Variants in C1orf146 observed in about 807,000 individuals in gnomAD.
The protein encoded by C1orf146 is protein SPO16 homolog.
In C1orf146, 22 loss-of-function variants were observed where a neutral mutation model predicts 23.0. The ratio of observed to expected loss-of-function variants is 0.96; its 90% CI spans 0.68 to 1.36. The LOEUF (loss-of-function observed/expected upper bound fraction) is 1.36, where lower values mean the gene tolerates loss of function less well. Ranked by LOEUF, C1orf146 falls within the 40% of genes most tolerant of loss-of-function variation. The pLI, the probability that C1orf146 is intolerant of heterozygous loss-of-function variation, is 0.00. For synonymous variants in C1orf146, 59 were observed against 65.3 expected, an observed-to-expected ratio of 0.90 and a Z score of 0.47; for missense variants, 199 against 206.8, an observed-to-expected ratio of 0.96 and a Z score of 0.23.
At chr1:92,224,725 T>C (rs996457064) in intron 1 of C1orf146, among the ~76,000 whole-genome samples, 5 of 152,168 alleles carry the variant, frequency 3.3e-5, no homozygotes, top group African/African-American at 9.7e-5. Flanking sequence ...TCTTTATTAC[T>C]TTTTTTCCCA....
chr1:92,244,080 A>G, intron 3 of C1orf146, 137 bp from the exon 4 acceptor site: 1 of 590,198 alleles, frequency 1.7e-6, no homozygotes, highest in Non-Finnish European at 3.0e-6. Context: ...GAATTCCATT[A>G]TAGTACTTTC....
chr1:92,242,733 C>A (rs559599194), intron 3 of C1orf146, among the ~76,000 whole-genome samples: 36 of 151,994 alleles, frequency 2.4e-4, no homozygotes, highest in African/African-American at 8.4e-4. Context: ...ATCATGGGGA[C>A]AAATAAATGT....
At chr1:92,227,625 T>C (rs1652000518) in intron 1 of C1orf146, among the ~76,000 whole-genome samples, 1 of 152,160 alleles carries the variant, frequency 6.6e-6, no homozygotes, top group Admixed American at 6.5e-5. Flanking sequence ...TGATTTTATT[T>C]TTGTCATAAA....
chr1:92,235,657 G>T (rs992187965), intron 2 of C1orf146, among the ~76,000 whole-genome samples: 1 of 151,578 alleles, frequency 6.6e-6, no homozygotes, highest in East Asian at 1.9e-4. Context: ...TCAATTCCTG[G>T]GTATCCTTGT....
At chr1:92,236,742 A>G (rs1406267935) in intron 2 of C1orf146, among the ~76,000 whole-genome samples, 1 of 152,198 alleles carries the variant, frequency 6.6e-6, no homozygotes, top group African/African-American at 2.4e-5. Context: ...ACTTTCAGGT[A>G]CACCAATCAG....
In C1orf146 at chr1:92,242,229, T is replaced by C; in HGVS notation, c.84T>C (p.Thr28=). The change falls in exon 3 of 6, where the codon ACT becomes ACC. Residue 28 remains threonine (T), a synonymous_variant. Coordinates refer to ENST00000370375, the MANE Select transcript of C1orf146 (RefSeq NM_001012425.2). The part of the protein sequence containing the change: ...SSSLKSYEVA[T]ALENRSHKVR... ...TAAAAAAGAGTTATGAAGTTGCAACTGCCCTAGAAAATCGAAGCCACAAAG... is the reference window on the plus strand; with the variant it reads ...TAAAAAAGAGTTATGAAGTTGCAACCGCCCTAGAAAATCGAAGCCACAAAG... The C allele has an allele frequency of 1.9e-6, 3 of 1,587,196 alleles. No homozygotes were observed. In the East Asian group the frequency reaches 6.8e-5, roughly 36 times the overall value.
intron 1 of C1orf146, among the ~76,000 whole-genome samples, chr1:92,221,158 G>T (rs1300189955): frequency 1.3e-5 from 2 of 152,164 alleles, no homozygotes. Context: ...GCCATGAAAA[G>T]AAAGAAATCA....
At chr1:92,218,298 T>C (rs201293531) in intron 1 of C1orf146, among the ~76,000 whole-genome samples, 1 of 152,144 alleles carries the variant, frequency 6.6e-6, no homozygotes, top group East Asian at 1.9e-4. Flanking sequence ...TTTATTTGCT[T>C]TAGGCTTTGT....
chr1:92,241,519 T>G (rs561308504), intron 2 of C1orf146, among the ~76,000 whole-genome samples: 14 of 152,292 alleles, frequency 9.2e-5, no homozygotes, highest in Non-Finnish European at 1.8e-4. Flanking sequence ...AGGTAGAGTC[T>G]TGCTCTGTCA....
In C1orf146 at chr1:92,244,206, AC is replaced by A. The variant is rs772333623; in HGVS notation, c.161-9del. On this transcript the variant is annotated splice_polypyrimidine_tract_variant and intron_variant, in intron 3 of 5. Coordinates refer to ENST00000370375, the MANE Select transcript of C1orf146 (RefSeq NM_001012425.2). ...CAAAGTGACATTTTATATTCAATTC[AC>A]CTTTCCTAGGAGTTGCATTTTTATT... The A allele has an allele frequency of 2.6e-6, 4 of 1,557,576 alleles. No homozygotes were observed. In the South Asian group the frequency reaches 4.7e-5, roughly 18 times the overall value.
intron 2 of C1orf146, among the ~76,000 whole-genome samples, chr1:92,237,467 G>T (rs1652312396): frequency 6.6e-6 from 1 of 152,202 alleles, no homozygotes; most frequent in South Asian, 2.1e-4. Context: ...TCCTCTGGAA[G>T]TTTTGTCTCA....
At chr1:92,222,525 C>T (rs1651849310) in intron 1 of C1orf146, among the ~76,000 whole-genome samples, 1 of 144,658 alleles carries the variant, frequency 6.9e-6, no homozygotes, top group Non-Finnish European at 1.5e-5. Context: ...TTCCCATTAT[C>T]CCTTCTTCGG....
chr1:92,233,154 T>A (rs1652176928), intron 2 of C1orf146, among the ~76,000 whole-genome samples: 1 of 152,244 alleles, frequency 6.6e-6, no homozygotes, highest in Admixed American at 6.5e-5. Context: ...TTGCCATTGC[T>A]TTTGGTATTG....
intron 2 of C1orf146, among the ~76,000 whole-genome samples, chr1:92,232,496 A>C (rs549883559): frequency 6.6e-5 from 10 of 151,834 alleles, no homozygotes; most frequent in African/African-American, 2.4e-4. Context: ...CATTTTCTTA[A>C]TCCAGTCTAT....
chr1:92,226,737 T>G (rs1651978534), intron 1 of C1orf146, among the ~76,000 whole-genome samples: 1 of 152,238 alleles, frequency 6.6e-6, no homozygotes, highest in African/African-American at 2.4e-5. Context: ...TTCTTTCAGT[T>G]GTAGAATTTA....
intron 2 of C1orf146, among the ~76,000 whole-genome samples, chr1:92,237,577 T>G (rs1652327305): frequency 6.6e-6 from 1 of 152,218 alleles, no homozygotes; most frequent in East Asian, 1.9e-4. Context: ...GGAGGCAGTC[T>G]GCCTGTTCTC....
chr1:92,222,115 C>T (rs1488117308), intron 1 of C1orf146, among the ~76,000 whole-genome samples: 1 of 152,096 alleles, frequency 6.6e-6, no homozygotes, highest in Non-Finnish European at 1.5e-5. Context: ...GTGGCGCACA[C>T]CTGTGGTCCC....
At chr1:92,242,182 A>C in intron 2 of C1orf146, 30 bp from the exon 3 acceptor site, 1 of 1,330,726 alleles carries the variant, frequency 7.5e-7, no homozygotes, top group Non-Finnish European at 1.1e-6. Context: ...GCATGCCTTA[A>C]ATTTGTATTT....
Position 92,242,285 on chromosome 1 carries a change from C to G in C1orf146, c.140C>G (p.Ser47Ter). 6.3e-7 allele frequency: 1 copy of G among 1,592,906 alleles called. No homozygotes were observed. The highest frequency in any genetic ancestry group is 8.6e-7 in the Non-Finnish European group (1 of 1,166,072). ...VRYSDSVENGSIIFSLSGVAF... is the reference protein window; with the variant it reads ...VRYSDSVENG ...TATTCAGATTCAGTGGAAAATGGAT[C>G]AATTATATTTTCTCTTTCTGGTATG... Residue 47 changes from serine to a stop codon, truncating the protein, a stop_gained, in exon 3 of 6, where the codon TCA becomes TGA. Transcript: ENST00000370375. LOFTEE classifies it high-confidence loss of function.
Sources: gnomAD v4.1 joint callset for allele counts (sites outside exome capture counted in the v4.1 genomes callset) on GRCh38, gnomAD v4.1.1 for gene constraint, MANE v1.5 for transcripts, NCBI Gene and HGNC (gene_info 2026-07-23, HGNC 2026-07-21) for gene names.